NXPE1: variants seen among roughly 807,000 people sequenced by gnomAD.
NXPE1 encodes NXPE family member 1.
A neutral mutation model predicts 33.3 loss-of-function variants in NXPE1; 31 were observed. That is an observed-to-expected ratio of 0.93 (90% CI 0.70 to 1.26). NXPE1 has a LOEUF of 1.26. Ranked by LOEUF, NXPE1 falls within the 50% of genes most tolerant of loss-of-function variation. The probability of loss-of-function intolerance (pLI) is 0.00; values close to 1 mark genes in which losing one functional copy is unlikely to be tolerated. For missense variants in NXPE1, 661 were observed against 655.6 expected (o/e 1.01, Z -0.09); for synonymous variants, 229 against 231.4 (o/e 0.99, Z 0.09).
At chr11:114,538,083 G>A (rs1251741954) in intron 5 of NXPE1, among the ~76,000 whole-genome samples, 7 of 151,738 alleles carry the variant, frequency 4.6e-5, no homozygotes, top group South Asian at 2.1e-4. Context: ...AAACAGAGAT[G>A]TAGACCAATG....
At chr11:114,531,680 T>G (rs1365935117) in intron 5 of NXPE1, among the ~76,000 whole-genome samples, 1 of 152,190 alleles carries the variant, frequency 6.6e-6, no homozygotes, top group Non-Finnish European at 1.5e-5. Flanking sequence ...CTTCTTTTAT[T>G]TTTAGGAGCT....
At chr11:114,555,189 C>T (rs1948619963) in intron 1 of NXPE1, among the ~76,000 whole-genome samples, 2 of 151,980 alleles carry the variant, frequency 1.3e-5, no homozygotes, top group African/African-American at 4.8e-5. Context: ...TTTGTTTTTA[C>T]AGCATTACTG....
At chr11:114,554,739 G>A (rs1451085519) in intron 1 of NXPE1, among the ~76,000 whole-genome samples, 3 of 152,190 alleles carry the variant, frequency 2.0e-5, no homozygotes, top group African/African-American at 7.2e-5. Context: ...CACAGGCATT[G>A]CTAATATTAC....
chr11:114,538,019 C>T lies in NXPE1; in HGVS notation c.100-7111G>A, dbSNP rs578217912. Among the ~76,000 whole-genome samples, 102 of 152,344 alleles carry T rather than the reference C, an allele frequency of 6.7e-4. No homozygotes were observed. The South Asian group carries it at 0.017, about 25-fold the overall frequency. ...AAGCTGGAGGCATCCCGCTACCTGA[C>T]TTCAAACTATACTACAAGGCTACAG... On this transcript the variant is annotated intron_variant, in intron 5 of 8. Coordinates refer to ENST00000534921, the Ensembl canonical transcript of NXPE1.
intron 5 of NXPE1, among the ~76,000 whole-genome samples, chr11:114,547,590 C>T (rs918940832): frequency 1.3e-5 from 2 of 152,046 alleles, no homozygotes; most frequent in African/African-American, 2.4e-5. Flanking sequence ...TAAAAATTAG[C>T]CGGGTGTGCT....
At chr11:114,534,790 C>G (rs1297664738) in intron 5 of NXPE1, among the ~76,000 whole-genome samples, 1 of 152,064 alleles carries the variant, frequency 6.6e-6, no homozygotes, top group Non-Finnish European at 1.5e-5. Flanking sequence ...GTGAAAAGAC[C>G]AAATCTACGT....
exon 9 of NXPE1, chr11:114,522,148 C>G: frequency 1.2e-6 from 2 of 1,614,082 alleles, no homozygotes; most frequent in Non-Finnish European, 1.7e-6. Flanking sequence ...CTCCAAACCT[C>G]TCTGTCTCTA....
At chr11:114,558,604 A>G (rs1948710878) in intron 1 of NXPE1, among the ~76,000 whole-genome samples, 1 of 152,176 alleles carries the variant, frequency 6.6e-6, no homozygotes, top group South Asian at 2.1e-4. Flanking sequence ...TTAAACTTTT[A>G]TGTTTAAATG....
chr11:114,536,905 C>T (rs919664849), intron 5 of NXPE1, among the ~76,000 whole-genome samples: 10 of 150,530 alleles, frequency 6.6e-5, no homozygotes, highest in East Asian at 3.9e-4. Context: ...CAGTAGAAAA[C>T]GGGAATCCTC....
intron 5 of NXPE1, among the ~76,000 whole-genome samples, chr11:114,532,286 A>G (rs1225898216): frequency 1.3e-5 from 2 of 152,248 alleles, no homozygotes; most frequent in Non-Finnish European, 2.9e-5. Flanking sequence ...GCCAAAAGAC[A>G]AATCATTGGC....
intron 7 of NXPE1, among the ~76,000 whole-genome samples, chr11:114,524,848 G>A (rs1324896331): frequency 1.3e-5 from 2 of 152,086 alleles, no homozygotes; most frequent in Non-Finnish European, 2.9e-5. Context: ...GAATAAGCTT[G>A]AGCATTTTGA....
intron 7 of NXPE1, among the ~76,000 whole-genome samples, chr11:114,524,252 A>T (rs1947299895): frequency 7.4e-6 from 1 of 134,616 alleles, no homozygotes; most frequent in Non-Finnish European, 1.5e-5. Flanking sequence ...ATAAGAAAGG[A>T]TAGCCATGGG....
chr11:114,528,120 G>A (rs148884316), intron 6 of NXPE1, among the ~76,000 whole-genome samples: 2 of 152,228 alleles, frequency 1.3e-5, no homozygotes, highest in East Asian at 3.9e-4. Context: ...CAGCTCTACC[G>A]ATCTGCCACA....
At chr11:114,522,940 A>G (rs1369374540) in exon 8 of NXPE1, 7 of 1,613,558 alleles carry the variant, frequency 4.3e-6, no homozygotes, top group Non-Finnish European at 5.9e-6. Flanking sequence ...CCAGGAGGTA[A>G]ATGAGTTTGC....
Position 114,553,198 on chromosome 11 carries a change from G to A in NXPE1, c.-210-318C>T, listed in dbSNP as rs199627575. The stretch of plus-strand genomic sequence containing the variant: ...TATTCCTTTGTGCTCTTATAGTCTC[G>A]TATGCATATCTTTGTAATAATATGT... On this transcript the variant is annotated intron_variant, in intron 1 of 8. Transcript: ENST00000534921. Among the ~76,000 whole-genome samples the A allele has an allele frequency of 9.9e-5, 15 of 152,126 alleles. 1 individual carries two copies. Among genetic ancestry groups the A allele is most frequent in the Middle Eastern group, 3.4e-3 (1 of 294 alleles).
intron 2 of NXPE1, 35 bp downstream of exon 2, chr11:114,552,817 C>A (rs1475693846): frequency 1.1e-6 from 1 of 905,850 alleles, no homozygotes; most frequent in Non-Finnish European, 1.3e-6. Flanking sequence ...TTTCATAGAT[C>A]TTTAAACTTA....
intron 1 of NXPE1, 73 bp downstream of exon 1, chr11:114,559,725 T>C (rs925048338): frequency 6.6e-6 from 1 of 152,272 alleles, no homozygotes; most frequent in African/African-American, 2.4e-5. Context: ...TGCTTTGTTC[T>C]TCCCTGCCCT....
chr11:114,533,793 C>A (rs1947682991), intron 5 of NXPE1, among the ~76,000 whole-genome samples: 1 of 152,240 alleles, frequency 6.6e-6, no homozygotes, highest in African/African-American at 2.4e-5. Context: ...CCGGGAAGCT[C>A]AAACTGGGTG....
In NXPE1 at chr11:114,557,666, TATATATAA is replaced by T. The variant is rs1174527516; in HGVS notation, c.-211+2124_-211+2131del. 1.3e-3 allele frequency among the ~76,000 whole-genome samples: 161 copies of T among 128,346 alleles called. 1 individual carries two copies. Among genetic ancestry groups the T allele is most frequent in the African/African-American group, 4.5e-3 (147 of 32,336 alleles). The allele number at this position is 128,346 out of a possible 152,430, so 84.2% of individuals were successfully genotyped here. On this transcript the variant is annotated intron_variant, in intron 1 of 8. Coordinates refer to ENST00000534921, the Ensembl canonical transcript of NXPE1. ...ATATATATATATATATATATATATA[TATATATAA>T]AATCCTTGTTCATTTATATTTGTAC...
Sources: allele counts gnomAD v4.1 joint callset (sites outside exome capture counted in the v4.1 genomes callset), GRCh38; gene constraint gnomAD v4.1.1; transcripts MANE v1.5; gene names NCBI Gene and HGNC (gene_info 2026-07-23, HGNC 2026-07-21).